The following C1orf159 variants were observed in gnomAD, a reference collection of about 807,000 sequenced individuals.
The protein encoded by C1orf159 is chromosome 1 open reading frame 159.
Under a neutral mutation model 25.6 loss-of-function variants are expected in C1orf159, and 19 were observed. The ratio of observed to expected loss-of-function variants is 0.74; its 90% CI spans 0.52 to 1.09. C1orf159 has a LOEUF of 1.09. Among genes scored for constraint, C1orf159 ranks in the 50% least tolerant of loss-of-function variants. The pLI is 0.00. For missense variants in C1orf159, 274 were observed against 290.6 expected, an observed-to-expected ratio of 0.94 and a Z score of 0.42; for synonymous variants, 139 against 124.7, an observed-to-expected ratio of 1.12 and a Z score of -0.77.
intron 1 of C1orf159, among the ~76,000 whole-genome samples, chr1:1,102,094 A>C (rs985246986): frequency 1.3e-4 from 17 of 131,466 alleles, no homozygotes; most frequent in South Asian, 7.6e-4. Flanking sequence ...AAAAAAAAAA[A>C]AACAAACTTT....
At chr1:1,083,747 G>T in intron 9 of C1orf159, 1 of 654,040 alleles carries the variant, frequency 1.5e-6, no homozygotes, top group Non-Finnish European at 2.6e-6. Flanking sequence ...GTCCAGCCTT[G>T]ATGGAGAACG....
chr1:1,107,153 G>A (rs546261339), intron 1 of C1orf159, among the ~76,000 whole-genome samples: 15 of 152,382 alleles, frequency 9.8e-5, no homozygotes, highest in South Asian at 2.1e-4. Context: ...TGTAGCGCAC[G>A]GCACTGGACT....
At chr1:1,114,525 G>A (rs1041211557) in intron 1 of C1orf159, among the ~76,000 whole-genome samples, 3 of 152,174 alleles carry the variant, frequency 2.0e-5, no homozygotes, top group African/African-American at 4.8e-5. Flanking sequence ...AGGGGTTCCC[G>A]GGATGCTGCC....
In C1orf159 at chr1:1,086,070, G is replaced by A. The variant is rs1441775327; in HGVS notation, c.311-58C>T. The A allele has an allele frequency of 3.8e-6, 6 of 1,580,950 alleles. No homozygotes were observed. In the East Asian group the frequency reaches 1.1e-4, roughly 30 times the overall value. Reference sequence around the variant, plus strand: ...GACGGTGGCCCTGGCTCCTCGCCTGGCCCCCGGTGCCCCCTGCACATGGCA... The same window carrying A: ...GACGGTGGCCCTGGCTCCTCGCCTGACCCCCGGTGCCCCCTGCACATGGCA... On this transcript the variant is annotated intron_variant, in intron 6 of 9. Transcript: ENST00000421241.
At chr1:1,109,143 C>T (rs1358788697) in intron 1 of C1orf159, among the ~76,000 whole-genome samples, 1 of 150,376 alleles carries the variant, frequency 6.6e-6, no homozygotes, top group Non-Finnish European at 1.5e-5. Flanking sequence ...TGTCCACCCA[C>T]AGATGAATGG....
intron 3 of C1orf159, 161 bp downstream of exon 3, chr1:1,091,311 C>T (rs1042845447): frequency 1.3e-6 from 1 of 772,484 alleles, no homozygotes; most frequent in Non-Finnish European, 2.2e-6. Flanking sequence ...CTCTGCGAGG[C>T]ACAGGCCCCT....
chr1:1,090,301 C>T (rs1029440380), intron 4 of C1orf159, 52 bp downstream of exon 4: 2 of 1,521,482 alleles, frequency 1.3e-6, no homozygotes, highest in Admixed American at 2.0e-5. Flanking sequence ...GGCACACACA[C>T]ACCAGTGGCT....
intron 1 of C1orf159, 143 bp from the exon 2 acceptor site, chr1:1,092,246 G>A (rs1645951306): frequency 3.7e-6 from 1 of 271,140 alleles, no homozygotes; most frequent in Non-Finnish European, 7.5e-6. Context: ...GGGCGTCCTG[G>A]AGGGGCTGTC....
intron 3 of C1orf159, chr1:1,090,704 C>A (rs576572266): frequency 1.1e-5 from 8 of 734,050 alleles, no homozygotes; most frequent in South Asian, 6.5e-5. Flanking sequence ...AGGCGGCACC[C>A]GCAGGCCATG....
At chr1:1,088,387 G>A (rs1302607063) in intron 4 of C1orf159, among the ~76,000 whole-genome samples, 3 of 108,862 alleles carry the variant, frequency 2.8e-5, no homozygotes, top group Non-Finnish European at 5.3e-5. Context: ...CGGCTGCCTC[G>A]CACCCCGTGT....
Position 1,097,584 on chromosome 1 carries a change from AT to A in C1orf159, c.-135-5482del, listed in dbSNP as rs71576596. Among the ~76,000 whole-genome samples, 214 of 126,516 alleles carry A rather than the reference AT, an allele frequency of 1.7e-3. 1 individual carries two copies. The highest frequency in any genetic ancestry group is 4.2e-3 in the Middle Eastern group (1 of 238). The allele number at this position is 126,516 out of a possible 152,430, so 83.0% of individuals were successfully genotyped here. On this transcript the variant is annotated intron_variant, in intron 1 of 9. Transcript: ENST00000421241. Reference sequence around the variant, plus strand: ...CGAGCCACCACACCCAGCTCATTAAATTTTTTTTTTTTTTTTTTTGTAGAGA... The same window carrying A: ...CGAGCCACCACACCCAGCTCATTAAATTTTTTTTTTTTTTTTTTGTAGAGA...
intron 1 of C1orf159, among the ~76,000 whole-genome samples, chr1:1,093,939 A>T (rs1465367092): frequency 1.3e-5 from 2 of 152,148 alleles, no homozygotes; most frequent in Non-Finnish European, 2.9e-5. Flanking sequence ...CATGTGCAGG[A>T]GTATCTCTGT....
rs772447056 is a variant in C1orf159 at position 1,089,732 on chromosome 1, G to A, written c.148+621C>T. Among the ~76,000 whole-genome samples the A allele has an allele frequency of 9.2e-5, 14 of 152,088 alleles. No homozygotes were observed. The highest frequency in any genetic ancestry group is 1.5e-4 in the Non-Finnish European group (10 of 68,004). The stretch of plus-strand genomic sequence containing the variant: ...GCATCTCAGCCCCAAGTTCACCAAG[G>A]GCCGCCAAGGAGTGGCCCTTGCACC... On this transcript the variant is annotated intron_variant, in intron 4 of 9. Coordinates refer to ENST00000421241, the MANE Select transcript of C1orf159 (RefSeq NM_017891.5). The surrounding 1 kb of genome is among the most constrained non-coding windows in gnomAD (Gnocchi z 7.5).
At position 1,084,506 on chromosome 1, in the gene C1orf159, G is replaced by A. The variant is rs1275230895; in HGVS notation, c.446C>T (p.Ala149Val). 11 of 1,553,858 alleles carry A rather than the reference G, an allele frequency of 7.1e-6. No homozygotes were observed. In the East Asian group the frequency reaches 2.7e-4, roughly 38 times the overall value. ...LPRACYRRNKAPALQPGEAAA... is the reference protein window; with the variant it reads ...LPRACYRRNKVPALQPGEAAA... ...GGCTTCGCCAGGCTGCAGGGCCGGA[G>A]CTGTGGGGGAGAAAGCGGAGAGTCA... Residue 149 changes from alanine to valine, a missense_variant and splice_region_variant, in exon 8 of 10, where the codon GCT becomes GTT. Physicochemically the swap from Ala to Val is moderately conservative, Grantham distance 64 (BLOSUM62 0). Transcript: ENST00000421241.
chr1:1,090,748 A>G, intron 3 of C1orf159: 1 of 851,756 alleles, frequency 1.2e-6, no homozygotes, highest in Non-Finnish European at 1.9e-6. Context: ...AAGTCTCCGG[A>G]GGCTCTCCAT....
chr1:1,084,216 T>C, intron 9 of C1orf159, 137 bp downstream of exon 9: 1 of 1,519,746 alleles, frequency 6.6e-7, no homozygotes, highest in African/African-American at 1.4e-5. Context: ...GCCTTGTGGG[T>C]GGGTCTCCTG....
intron 1 of C1orf159, among the ~76,000 whole-genome samples, chr1:1,102,614 TAAAAAAAAAAA>T (rs1170365187): frequency 2.0e-3 from 68 of 34,136 alleles, no homozygotes; most frequent in Admixed American, 3.2e-3. Flanking sequence ...CTGTCTCTAC[TAAAAAAAAAAA>T]AAAAAAAAAA....
Position 1,087,235 on chromosome 1 carries a change from T to C in C1orf159, c.245-31A>G, listed in dbSNP as rs1057485598. The C allele has an allele frequency of 1.9e-6, 3 of 1,586,270 alleles. No individual in the cohort carries two copies. Among genetic ancestry groups the C allele is most frequent in the South Asian group, 1.1e-5 (1 of 87,164 alleles). On this transcript the variant is annotated intron_variant, in intron 5 of 9. Transcript: ENST00000421241. The surrounding 1 kb of genome is among the most constrained non-coding windows in gnomAD (Gnocchi z 8.3). ...GGATAGCAGAACTGTGGGAAGCCTGTGTGCACGGAGCCCACGGGGACACCC... is the reference window on the plus strand; with the variant it reads ...GGATAGCAGAACTGTGGGAAGCCTGCGTGCACGGAGCCCACGGGGACACCC...
intron 1 of C1orf159, among the ~76,000 whole-genome samples, chr1:1,102,418 G>A (rs1178709555): frequency 6.8e-6 from 1 of 146,386 alleles, no homozygotes; most frequent in Non-Finnish European, 1.5e-5. Flanking sequence ...CTATTCCTCT[G>A]TCTTTGAGGA....
Sources: gnomAD v4.1 joint callset for allele counts (sites outside exome capture counted in the v4.1 genomes callset) on GRCh38, gnomAD v4.1.1 for gene constraint, Gnocchi (gnomAD v3.1) non-coding constraint, MANE v1.5 for transcripts, NCBI Gene and HGNC (gene_info 2026-07-23, HGNC 2026-07-21) for gene names.